Variants in CACNA2D3 observed in about 807,000 individuals in gnomAD.
The protein encoded by CACNA2D3 is voltage-dependent calcium channel subunit alpha-2/delta-3.
In CACNA2D3, 60 loss-of-function variants were observed where a neutral mutation model predicts 160.6. The observed-to-expected ratio is 0.37, with a 90% CI of 0.30 to 0.46. CACNA2D3 has a LOEUF of 0.46. CACNA2D3 is among the 20% of genes least tolerant of loss of function. The pLI is 1.00. For missense variants in CACNA2D3, 1,205 were observed against 1,365.0 expected (o/e 0.88, Z 1.85); for synonymous variants, 558 against 492.9 (o/e 1.13, Z -1.75).
At chr3:54,858,996 TG>T (rs2106796439) in intron 17 of CACNA2D3, among the ~76,000 whole-genome samples, 1 of 152,352 alleles carries the variant, frequency 6.6e-6, no homozygotes, top group East Asian at 1.9e-4. Flanking sequence ...TGAAGGCTGT[TG>T]GAATAACTGG....
intron 11 of CACNA2D3, among the ~76,000 whole-genome samples, chr3:54,710,399 C>G (rs138920145): frequency 9.1e-4 from 138 of 152,278 alleles, no homozygotes; most frequent in African/African-American, 2.9e-3. Flanking sequence ...TTGAATAGTT[C>G]TATTGGGATT....
chr3:54,410,758 A>G (rs1699654159), intron 4 of CACNA2D3, among the ~76,000 whole-genome samples: 1 of 152,238 alleles, frequency 6.6e-6, no homozygotes, highest in Non-Finnish European at 1.5e-5. Flanking sequence ...TCCGTTCTAC[A>G]GTCCACGGAT....
At chr3:54,749,641 T>G (rs1701820967) in intron 11 of CACNA2D3, among the ~76,000 whole-genome samples, 1 of 152,208 alleles carries the variant, frequency 6.6e-6, no homozygotes, top group African/African-American at 2.4e-5. Flanking sequence ...ATCTCTTTTC[T>G]TCTGTGGTCA....
intron 35 of CACNA2D3, among the ~76,000 whole-genome samples, chr3:55,071,312 C>T (rs982741079): frequency 2.0e-5 from 3 of 152,118 alleles, no homozygotes; most frequent in Admixed American, 1.3e-4. Flanking sequence ...ATATGTGAAT[C>T]TAACAACCTC....
At chr3:54,798,148 A>C (rs1191122280) in intron 13 of CACNA2D3, among the ~76,000 whole-genome samples, 1 of 152,150 alleles carries the variant, frequency 6.6e-6, no homozygotes, top group Non-Finnish European at 1.5e-5. Flanking sequence ...TTGATCATTA[A>C]ACTTCTCAAA....
chr3:55,016,777 A>G (rs867759952), intron 34 of CACNA2D3, among the ~76,000 whole-genome samples: 2 of 152,182 alleles, frequency 1.3e-5, no homozygotes, highest in Admixed American at 6.5e-5. Flanking sequence ...AAAGATTACA[A>G]TGCATTGTGC....
intron 18 of CACNA2D3, among the ~76,000 whole-genome samples, chr3:54,873,634 A>T (rs1286532798): frequency 6.6e-6 from 1 of 152,138 alleles, no homozygotes; most frequent in Non-Finnish European, 1.5e-5. Flanking sequence ...CTTCACCTCC[A>T]CATGACACCC....
intron 2 of CACNA2D3, among the ~76,000 whole-genome samples, chr3:54,140,222 C>T (rs114270491): frequency 2.2e-3 from 333 of 152,288 alleles, no homozygotes; most frequent in African/African-American, 7.9e-3. Flanking sequence ...CATTCCTGGC[C>T]TCAAAAAGAT....
intron 2 of CACNA2D3, among the ~76,000 whole-genome samples, chr3:54,138,989 G>C (rs1175768775): frequency 6.6e-6 from 1 of 152,200 alleles, no homozygotes; most frequent in African/African-American, 2.4e-5. Flanking sequence ...CTGGGCTGGA[G>C]GGGGCAGGAG....
chr3:54,661,838 A>G lies in CACNA2D3; in HGVS notation c.1167+19597A>G, dbSNP rs955651491. On this transcript the variant is annotated intron_variant, in intron 11 of 37. Coordinates refer to ENST00000474759, the MANE Select transcript of CACNA2D3 (RefSeq NM_018398.3). Reference sequence around the variant, plus strand: ...TATGGTTCACACAGACATCTCAGGGATGTGTGTATGTGTGTGTGTGTGTGT... The same window carrying G: ...TATGGTTCACACAGACATCTCAGGGGTGTGTGTATGTGTGTGTGTGTGTGT... Among the ~76,000 whole-genome samples the G allele has an allele frequency of 2.0e-3, 299 of 146,822 alleles. 2 individuals carry two copies. In the East Asian group the frequency reaches 0.02, roughly 10 times the overall value.
At chr3:55,032,983 T>C (rs185761923) in intron 35 of CACNA2D3, among the ~76,000 whole-genome samples, 1 of 152,142 alleles carries the variant, frequency 6.6e-6, no homozygotes, top group Non-Finnish European at 1.5e-5. Context: ...GTAATTCTAG[T>C]AGCTGAGACA....
At chr3:54,893,842 A>ATGTTAGCC (rs1406133682) in intron 25 of CACNA2D3, among the ~76,000 whole-genome samples, 1 of 152,164 alleles carries the variant, frequency 6.6e-6, no homozygotes, top group African/African-American at 2.4e-5. Context: ...GCATCCAGTG[A>ATGTTAGCC]TGTTAGCCTT....
chr3:55,004,202 C>T (rs1392931906), intron 31 of CACNA2D3, among the ~76,000 whole-genome samples: 2 of 152,206 alleles, frequency 1.3e-5, no homozygotes, highest in Non-Finnish European at 2.9e-5. Context: ...AAATAAGGTA[C>T]ATTCACTCTT....
chr3:54,737,943 G>C (rs990432608), intron 11 of CACNA2D3, among the ~76,000 whole-genome samples: 1 of 152,124 alleles, frequency 6.6e-6, no homozygotes, highest in Non-Finnish European at 1.5e-5. Flanking sequence ...TGGAATTACA[G>C]GTGTGAGCCA....
intron 2 of CACNA2D3, among the ~76,000 whole-genome samples, chr3:54,307,086 A>G (rs141577592): frequency 7.8e-4 from 118 of 152,168 alleles, no homozygotes; most frequent in African/African-American, 2.6e-3. Context: ...CTCACCTGAT[A>G]TGACCTGTCT....
chr3:54,776,555 CAACAA>C (rs1406786904), intron 13 of CACNA2D3, among the ~76,000 whole-genome samples: 2 of 152,058 alleles, frequency 1.3e-5, no homozygotes, highest in South Asian at 4.2e-4. Context: ...AAAGACAAAA[CAACAA>C]AACAAAACAG....
At position 54,212,440 on chromosome 3, in the gene CACNA2D3, A is replaced by G. The variant is rs75146530; in HGVS notation, c.204+88846A>G. ...AGTTATTATCTAAAGGCCTGGAATC[A>G]ATAGAAAGGATTGTCTGGGTTATAA... On this transcript the variant is annotated intron_variant, in intron 2 of 37. Coordinates refer to ENST00000474759, the MANE Select transcript of CACNA2D3 (RefSeq NM_018398.3). Among the ~76,000 whole-genome samples, 862 of 152,316 alleles carry G rather than the reference A, an allele frequency of 5.7e-3. 31 individuals are homozygous for G. In the East Asian group the frequency reaches 0.11, roughly 19 times the overall value.
At chr3:54,610,496 G>A (rs571634853) in intron 9 of CACNA2D3, among the ~76,000 whole-genome samples, 14 of 152,072 alleles carry the variant, frequency 9.2e-5, no homozygotes, top group Non-Finnish European at 1.8e-4. Flanking sequence ...GATTCAGTGG[G>A]AGCTGGGTGA....
chr3:54,406,948 A>T (rs1385054113), intron 4 of CACNA2D3, among the ~76,000 whole-genome samples: 2 of 152,150 alleles, frequency 1.3e-5, no homozygotes, highest in Non-Finnish European at 2.9e-5. Flanking sequence ...TTTATTTTTT[A>T]AAAAAGGACA....
Sources: allele counts gnomAD v4.1 joint callset (sites outside exome capture counted in the v4.1 genomes callset), GRCh38; gene constraint gnomAD v4.1.1; transcripts MANE v1.5; gene names NCBI Gene and HGNC (gene_info 2026-07-23, HGNC 2026-07-21).